AGBL1: variants seen among roughly 807,000 people sequenced by gnomAD.
AGBL1 encodes the protein AGBL carboxypeptidase 1, also known as cytosolic carboxypeptidase 4.
A neutral mutation model predicts 118.9 loss-of-function variants in AGBL1; 130 were observed. The ratio of observed to expected loss-of-function variants is 1.09; its 90% CI spans 0.95 to 1.26. The LOEUF (loss-of-function observed/expected upper bound fraction) is 1.26, where lower values mean the gene tolerates loss of function less well. Ranked by LOEUF, AGBL1 falls within the 50% of genes most tolerant of loss-of-function variation. The pLI is 0.00. For missense variants in AGBL1, 1,584 were observed against 1,298.1 expected (o/e 1.22, Z -3.38); for synonymous variants, 555 against 478.9 (o/e 1.16, Z -2.08).
chr15:86,519,942 G>A (rs1258882754), intron 18 of AGBL1, among the ~76,000 whole-genome samples: 4 of 152,116 alleles, frequency 2.6e-5, no homozygotes. Context: ...AATTTCTACT[G>A]ATTATTTCTT....
chr15:86,795,038 T>A (rs767950753), intron 22 of AGBL1, among the ~76,000 whole-genome samples: 1 of 152,128 alleles, frequency 6.6e-6, no homozygotes, highest in African/African-American at 2.4e-5. Flanking sequence ...GGATAATCAA[T>A]TAAACAGCTT....
intron 22 of AGBL1, among the ~76,000 whole-genome samples, chr15:86,842,853 A>G (rs2079264399): frequency 6.6e-6 from 1 of 152,164 alleles, no homozygotes; most frequent in East Asian, 1.9e-4. Flanking sequence ...CCTGCAATTC[A>G]GTCAGAGGTA....
chr15:86,438,153 A>G (rs1056819425), intron 18 of AGBL1, among the ~76,000 whole-genome samples: 9 of 152,030 alleles, frequency 5.9e-5, no homozygotes, highest in African/African-American at 1.4e-4. Context: ...TGATCCATCC[A>G]TCTCGGCCTC....
At chr15:86,441,444 A>G (rs1426637553) in intron 18 of AGBL1, among the ~76,000 whole-genome samples, 10 of 152,208 alleles carry the variant, frequency 6.6e-5, no homozygotes, top group Admixed American at 5.9e-4. Flanking sequence ...AAGAGCACAC[A>G]TAGTGGACTG....
chr15:86,696,720 T>C (rs1437988535), intron 22 of AGBL1, among the ~76,000 whole-genome samples: 2 of 152,018 alleles, frequency 1.3e-5, no homozygotes, highest in Non-Finnish European at 2.9e-5. Flanking sequence ...AAAGAGGTTC[T>C]ATTTTGATGT....
Position 86,628,943 on chromosome 15 carries a change from G to T in AGBL1, c.2995-45330G>T, listed in dbSNP as rs376193503. On this transcript the variant is annotated intron_variant, in intron 21 of 22. Transcript: ENST00000614907. ...ATTGGGAAAGAGTCATCACAATCAA[G>T]CTAATTAATATGTCAGTCACCTTAC... 1.3e-3 allele frequency among the ~76,000 whole-genome samples: 197 copies of T among 152,260 alleles called. 2 individuals are homozygous for T. In the South Asian group the frequency reaches 0.039, roughly 30 times the overall value.
At chr15:87,008,711 G>T (rs1392985503) in intron 24 of AGBL1, among the ~76,000 whole-genome samples, 1 of 152,128 alleles carries the variant, frequency 6.6e-6, no homozygotes, top group Non-Finnish European at 1.5e-5. Flanking sequence ...AAATGATATG[G>T]ACAATGAAAT....
downstream of AGBL1, among the ~76,000 whole-genome samples, chr15:86,916,803 C>T (rs1028385662): frequency 1.3e-4 from 20 of 152,238 alleles, no homozygotes; most frequent in African/African-American, 4.1e-4. Context: ...CTGGCCAGGC[C>T]GGTGAAGAGG....
chr15:86,296,508 C>T (rs2079644822), intron 17 of AGBL1: 1 of 151,864 alleles, frequency 6.6e-6, no homozygotes, highest in Admixed American at 6.6e-5. Context: ...CTGATGAAGA[C>T]ACAGCCTTCC....
chr15:86,484,697 A>G (rs1363166093), intron 18 of AGBL1, among the ~76,000 whole-genome samples: 2 of 152,124 alleles, frequency 1.3e-5, no homozygotes, highest in African/African-American at 4.8e-5. Flanking sequence ...GCCTATTATC[A>G]ATTGATTCCA....
intron 23 of AGBL1, among the ~76,000 whole-genome samples, chr15:86,975,147 A>T (rs2081161189): frequency 6.6e-6 from 1 of 151,902 alleles, no homozygotes; most frequent in Non-Finnish European, 1.5e-5. Context: ...CCATTGCTCT[A>T]AGGATACTGT....
In AGBL1 at chr15:86,540,674, G is replaced by A. The variant is rs188342724; in HGVS notation, c.2686-5328G>A. Among the ~76,000 whole-genome samples the A allele has an allele frequency of 7.2e-5, 11 of 152,236 alleles. No homozygotes were observed. In the East Asian group the frequency reaches 1.7e-3, roughly 24 times the overall value. Reference sequence around the variant, plus strand: ...TGTTAAAGAATTGTACTGAAAAGAAGTATAAGTATTAAATCTTATGGTAGA... The same window carrying A: ...TGTTAAAGAATTGTACTGAAAAGAAATATAAGTATTAAATCTTATGGTAGA... On this transcript the variant is annotated intron_variant, in intron 19 of 22. Coordinates refer to ENST00000614907, the MANE Select transcript of AGBL1 (RefSeq NM_001386094.1).
rs767849868 is a variant in AGBL1 at position 86,264,773 on chromosome 15, T to C, written c.1602T>C (p.Asp534=). 6.2e-7 allele frequency: 1 copy of C among 1,614,044 alleles called. No homozygotes were observed. The highest frequency in any genetic ancestry group is 8.5e-7 in the Non-Finnish European group (1 of 1,179,902). ...VVDFKMMAFP[D]VWGHCPPPTT... ...ACTTCAAGATGATGGCATTTCCTGA[T>C]GTCTGGGGACACTGTCCCCCTCCCA... Residue 534 remains aspartate (D), a synonymous_variant, in exon 11 of 23, where the codon GAT becomes GAC. Transcript: ENST00000614907.
At position 86,142,045 on chromosome 15, in the gene AGBL1, C is replaced by T. The variant is rs1271060542; in HGVS notation, c.93C>T (p.Val31=). 5 of 1,550,242 alleles carry T rather than the reference C, an allele frequency of 3.2e-6. No individual in the cohort carries two copies. Among genetic ancestry groups the T allele is most frequent in the Non-Finnish European group, 4.4e-6 (5 of 1,146,812 alleles). The part of the protein sequence containing the change: ...DKESILTILK[V]LGDLLSVGTD... ...AGTCCATCCTGACCATCCTCAAGGT[C>T]CTCGGAGATCTGCTTTCTGTTGGTG... Residue 31 remains valine (V), a synonymous_variant, in exon 2 of 23, where the codon GTC becomes GTT. Coordinates refer to ENST00000614907, the MANE Select transcript of AGBL1 (RefSeq NM_001386094.1).
intron 22 of AGBL1, among the ~76,000 whole-genome samples, chr15:86,745,508 C>T (rs988444178): frequency 6.6e-6 from 1 of 151,970 alleles, no homozygotes; most frequent in Non-Finnish European, 1.5e-5. Context: ...CAGAGAGGCT[C>T]AGTCTTTTTC....
At chr15:86,553,906 G>T (rs1456619275) in intron 20 of AGBL1, among the ~76,000 whole-genome samples, 1 of 151,778 alleles carries the variant, frequency 6.6e-6, no homozygotes, top group Non-Finnish European at 1.5e-5. Flanking sequence ...TGTCTCCCAG[G>T]CTGGAGTGCA....
At chr15:86,769,171 G>GAGAGGGAGAGAGAGAGAGAA (rs2078137245) in intron 22 of AGBL1, among the ~76,000 whole-genome samples, 1 of 118,532 alleles carries the variant, frequency 8.4e-6, no homozygotes, top group East Asian at 2.5e-4. Flanking sequence ...TTCTCATTTT[G>GAGAGGGAGAGAGAGAGAGAA]AGAGGGAGAG....
chr15:86,290,814 A>G (rs2079533133), intron 16 of AGBL1, among the ~76,000 whole-genome samples: 2 of 151,852 alleles, frequency 1.3e-5, no homozygotes, highest in South Asian at 4.2e-4. Flanking sequence ...AGCATTAGGT[A>G]TATCTCCTAA....
chr15:86,377,175 G>A (rs551126118), intron 17 of AGBL1, among the ~76,000 whole-genome samples: 16 of 152,272 alleles, frequency 1.1e-4, no homozygotes, highest in African/African-American at 3.1e-4. Flanking sequence ...TCATCTGGGT[G>A]CATTGGATTA....
Sources: allele counts gnomAD v4.1 joint callset (sites outside exome capture counted in the v4.1 genomes callset), GRCh38; gene constraint gnomAD v4.1.1; transcripts MANE v1.5; gene names NCBI Gene and HGNC (gene_info 2026-07-23, HGNC 2026-07-21).